Variants in LHPP observed in about 807,000 individuals in gnomAD.
The protein encoded by LHPP is hLHPP.
A neutral mutation model predicts 30.3 loss-of-function variants in LHPP; 24 were observed. The ratio of observed to expected loss-of-function variants is 0.79; its 90% CI spans 0.57 to 1.11. The LOEUF (loss-of-function observed/expected upper bound fraction) is 1.11, where lower values mean the gene tolerates loss of function less well. LHPP is among the 50% of genes most tolerant of loss of function. The pLI is 0.00. For missense variants in LHPP, 356 were observed against 367.2 expected (o/e 0.97, Z 0.25); for synonymous variants, 150 against 157.1 (o/e 0.95, Z 0.34).
chr10:124,474,988 C>T (rs1952896732), intron 1 of LHPP, among the ~76,000 whole-genome samples: 1 of 147,346 alleles, frequency 6.8e-6, no homozygotes, highest in Non-Finnish European at 1.5e-5. Context: ...GCAATTACTG[C>T]CATTTATTTA....
chr10:124,533,751 C>T (rs1395891848), intron 6 of LHPP, among the ~76,000 whole-genome samples: 2 of 152,354 alleles, frequency 1.3e-5, no homozygotes, highest in South Asian at 4.1e-4. Context: ...CCGTGTGCTC[C>T]GCAGTGTGCA....
intron 6 of LHPP, among the ~76,000 whole-genome samples, chr10:124,568,367 C>T (rs1335612529): frequency 6.6e-6 from 1 of 152,212 alleles, no homozygotes; most frequent in Non-Finnish European, 1.5e-5. Flanking sequence ...CCTCTTCTTG[C>T]CCTTTGCCTG....
rs75964044 is a variant in LHPP at position 124,597,534 on chromosome 10, G to A, written c.717-15730G>A. Among the ~76,000 whole-genome samples the A allele has an allele frequency of 1.6e-4, 24 of 152,360 alleles. No homozygotes were observed. The East Asian group carries it at 3.5e-3, about 22-fold the overall frequency. ...ACTAGGCTCTAAGTAGTGGGGCTGC[G>A]TGACTCCAGCGCCCCTAGGACCAGC... On this transcript the variant is annotated intron_variant, in intron 6 of 6. Transcript: ENST00000368842.
Position 124,613,379 on chromosome 10 carries a change from C to G in LHPP, c.*19C>G. 6.4e-7 allele frequency: 1 copy of G among 1,570,672 alleles called. No homozygotes were observed. The highest frequency in any genetic ancestry group is 8.7e-7 in the Non-Finnish European group (1 of 1,144,886). On this transcript the variant is annotated 3_prime_UTR_variant, in exon 7 of 7. Transcript: ENST00000368842. The stretch of plus-strand genomic sequence containing the variant: ...CAAGTGATGGCCTCCTGGGAGAGCC[C>G]CGCCTCCTCCACCCCTGCCTCTCCT...
chr10:124,508,157 G>A (rs1482886364), intron 5 of LHPP, among the ~76,000 whole-genome samples: 1 of 152,032 alleles, frequency 6.6e-6, no homozygotes. Context: ...GTCCACATGG[G>A]GGCCACTCCG....
At chr10:124,507,684 A>G (rs1223712365) in intron 5 of LHPP, among the ~76,000 whole-genome samples, 62 of 18,596 alleles carry the variant, frequency 3.3e-3, no homozygotes, top group Non-Finnish European at 3.5e-3. Context: ...GGGAGGGTAG[A>G]CAGGATTTCA....
intron 5 of LHPP, among the ~76,000 whole-genome samples, chr10:124,499,639 A>G (rs950936698): frequency 3.3e-5 from 5 of 151,930 alleles, no homozygotes; most frequent in Non-Finnish European, 7.3e-5. Flanking sequence ...TGGGTGATAG[A>G]GTGAGACTCC....
chr10:124,613,073 G>T (rs1310781293), intron 6 of LHPP, 191 bp from the exon 7 acceptor site: 1 of 611,928 alleles, frequency 1.6e-6, no homozygotes, highest in East Asian at 2.8e-5. Context: ...GCACAGTCAG[G>T]AGGGGCCATG....
At chr10:124,562,951 A>T (rs1183474851) in intron 6 of LHPP, among the ~76,000 whole-genome samples, 2 of 152,062 alleles carry the variant, frequency 1.3e-5, no homozygotes, top group South Asian at 2.1e-4. Flanking sequence ...AAAAAGAAAA[A>T]AAAAAAGAAT....
At chr10:124,600,536 A>G (rs1250804475) in intron 6 of LHPP, among the ~76,000 whole-genome samples, 3 of 152,226 alleles carry the variant, frequency 2.0e-5, no homozygotes, top group Admixed American at 2.0e-4. Flanking sequence ...CCAGAAGGAA[A>G]TTCTCTGTAT....
intron 1 of LHPP, among the ~76,000 whole-genome samples, chr10:124,480,587 G>C (rs1172683800): frequency 6.6e-6 from 1 of 152,162 alleles, no homozygotes; most frequent in Admixed American, 6.5e-5. Context: ...ATTAACTTGG[G>C]TGCAAATCAC....
rs1054030099 is a variant in LHPP at position 124,509,596 on chromosome 10, T to C, written c.625-7584T>C. On this transcript the variant is annotated intron_variant, in intron 5 of 6. Coordinates refer to ENST00000368842, the MANE Select transcript of LHPP (RefSeq NM_022126.4). ...TTTTAAAGTGGTCTTTGAGTTTTGC[T>C]GTTAGTCTTGTTCCTTATGAAGGTG... Among the ~76,000 whole-genome samples, 66 of 152,086 alleles carry C rather than the reference T, an allele frequency of 4.3e-4. 1 individual carries two copies. The highest frequency in any genetic ancestry group is 3.8e-3 in the Admixed American group (58 of 15,266).
chr10:124,607,789 GAA>G (rs1949115056), intron 6 of LHPP, among the ~76,000 whole-genome samples: 1 of 152,218 alleles, frequency 6.6e-6, no homozygotes, highest in Non-Finnish European at 1.5e-5. Flanking sequence ...GTTGTGGGGA[GAA>G]AAGTTGGAAA....
rs1166704495 is a variant in LHPP, at chr10:124,593,677, G to A, written c.717-19587G>A. ...TATCCAGAGGGTGGTGGACCCAAAC[G>A]CGACGTCCCCAGTGGCGGTGGCTGA... On this transcript the variant is annotated intron_variant, in intron 6 of 6. Coordinates refer to ENST00000368842, the MANE Select transcript of LHPP (RefSeq NM_022126.4). The surrounding 1 kb of genome is among the most constrained non-coding windows in gnomAD (Gnocchi z 4.9). Among the ~76,000 whole-genome samples the A allele has an allele frequency of 3.3e-5, 5 of 152,364 alleles. No homozygotes were observed. The highest frequency in any genetic ancestry group is 3.4e-3 in the Middle Eastern group (1 of 294).
At chr10:124,569,305 G>T (rs755178746) in intron 6 of LHPP, among the ~76,000 whole-genome samples, 2 of 152,274 alleles carry the variant, frequency 1.3e-5, no homozygotes, top group Non-Finnish European at 2.9e-5. Context: ...TTTTGAGGTT[G>T]TGCAAACGTA....
intron 6 of LHPP, among the ~76,000 whole-genome samples, chr10:124,585,741 C>T (rs985196342): frequency 3.9e-5 from 6 of 151,978 alleles, no homozygotes; most frequent in Admixed American, 1.3e-4. Flanking sequence ...AAGCAGGGAC[C>T]GAGCAGCAGG....
chr10:124,548,033 G>A (rs150643029), intron 6 of LHPP, among the ~76,000 whole-genome samples: 5 of 152,334 alleles, frequency 3.3e-5, no homozygotes, highest in African/African-American at 4.8e-5. Context: ...GGTGTGTTCC[G>A]AGTTCTCCGG....
intron 6 of LHPP, among the ~76,000 whole-genome samples, chr10:124,530,062 C>G (rs1400379806): frequency 6.6e-6 from 1 of 152,102 alleles, no homozygotes; most frequent in African/African-American, 2.4e-5. Context: ...CCCGTCTGCC[C>G]TGCATCAGAG....
At chr10:124,476,306 A>G (rs1819894673) in intron 1 of LHPP, among the ~76,000 whole-genome samples, 1 of 152,082 alleles carries the variant, frequency 6.6e-6, no homozygotes, top group South Asian at 2.1e-4. Context: ...CGTCTAGTGG[A>G]CCTGTTGCCC....
Sources: gnomAD v4.1 joint callset for allele counts (sites outside exome capture counted in the v4.1 genomes callset) on GRCh38, gnomAD v4.1.1 for gene constraint, Gnocchi (gnomAD v3.1) non-coding constraint, MANE v1.5 for transcripts, NCBI Gene and HGNC (gene_info 2026-07-23, HGNC 2026-07-21) for gene names.